ZDHHC22: variants seen among roughly 807,000 people sequenced by gnomAD.
The protein encoded by ZDHHC22 is zDHHC palmitoyltransferase 22.
A neutral mutation model predicts 17.0 loss-of-function variants in ZDHHC22; 13 were observed. That is an observed-to-expected ratio of 0.76 (90% CI 0.50 to 1.21). The LOEUF (loss-of-function observed/expected upper bound fraction) is 1.21, where lower values mean the gene tolerates loss of function less well. Among genes scored for constraint, ZDHHC22 ranks in the 50% most tolerant of loss-of-function variants. The pLI is 0.00. For missense variants in ZDHHC22, 319 were observed against 342.3 expected, an observed-to-expected ratio of 0.93 and a Z score of 0.54; for synonymous variants, 138 against 154.7, an observed-to-expected ratio of 0.89 and a Z score of 0.80.
intron 2 of ZDHHC22, among the ~76,000 whole-genome samples, chr14:77,136,292 C>T (rs989782198): frequency 2.6e-5 from 4 of 152,152 alleles, no homozygotes; most frequent in African/African-American, 9.7e-5. Flanking sequence ...CTTAACCTTG[C>T]TGAGTCTTTG....
At chr14:77,134,052 G>C (rs950264774) in intron 2 of ZDHHC22, 104 bp from the exon 3 acceptor site, 13 of 1,340,666 alleles carry the variant, frequency 9.7e-6, no homozygotes, top group African/African-American at 7.4e-5. Context: ...GGAGATTAAT[G>C]AGATTGACGC....
At position 77,140,596 on chromosome 14, in the gene ZDHHC22, AT is replaced by A. The variant is rs1887234833; in HGVS notation, c.-14-845del. ...CTCTCCAACGCTGGCTGCCCGGGCT[AT>A]TTCTTTGCGAAGAGCGTTTTCATTT... is the stretch of plus-strand genomic sequence containing the variant. On this transcript the variant is annotated intron_variant, in intron 1 of 2. Coordinates refer to ENST00000319374, the MANE Select transcript of ZDHHC22 (RefSeq NM_174976.2). This position sits in a 1 kb window ranked among gnomAD's most constrained non-coding sequence, Gnocchi z 5.9. The A allele has an allele frequency of 2.0e-5, 3 of 151,986 alleles. No individual in the cohort carries two copies. Among genetic ancestry groups the A allele is most frequent in the Non-Finnish European group, 4.4e-5 (3 of 67,994 alleles). 9.4% of individuals were successfully genotyped at this position (151,986 alleles called of 1,614,324 possible). A position where few individuals can be genotyped will look rare whatever the true frequency, so the allele number is the denominator to read the frequency against.
Position 77,139,596 on chromosome 14 carries a change from AGGGCGGGCGAGAAGAGCC to A in ZDHHC22, c.125_142del (p.Arg42_Ala47del). 1 of 1,591,440 alleles carries A rather than the reference AGGGCGGGCGAGAAGAGCC, an allele frequency of 6.3e-7. No homozygotes were observed. The highest frequency in any genetic ancestry group is 8.6e-7 in the Non-Finnish European group (1 of 1,168,642). ...GAATAGGAAGAGCGCCCCGTGGAGC[AGGGCGGGCGAGAAGAGCC>A]GGGCGGCCGCGGGGTCCTCGCGCAT... On this transcript the variant is annotated inframe_deletion, in exon 2 of 3. Coordinates refer to ENST00000319374, the MANE Select transcript of ZDHHC22 (RefSeq NM_174976.2).
upstream of ZDHHC22, chr14:77,142,000 T>G (rs1887265302): frequency 1.3e-5 from 2 of 152,382 alleles, no homozygotes; most frequent in African/African-American, 4.8e-5. Context: ...TGATGTGGAT[T>G]CTCCAGCCAT....
intron 2 of ZDHHC22, among the ~76,000 whole-genome samples, chr14:77,137,184 A>T (rs1159882134): frequency 6.6e-6 from 1 of 152,146 alleles, no homozygotes; most frequent in East Asian, 1.9e-4. Context: ...AAGGTCCTCA[A>T]GAGGAAAGAT....
rs575610899 is a variant in ZDHHC22, at chr14:77,133,460, C to G, written c.*223G>C. ...AGGCAGCCTAACAGCTAGCAGCCAC[C>G]TGGCTGGCTCGTGAGGAGCCTAGAA... On this transcript the variant is annotated 3_prime_UTR_variant, in exon 3 of 3. Coordinates refer to ENST00000319374, the MANE Select transcript of ZDHHC22 (RefSeq NM_174976.2). 1 of 579,660 alleles carries G rather than the reference C, an allele frequency of 1.7e-6. No individual in the cohort carries two copies. The highest frequency in any genetic ancestry group is 3.0e-5 in the South Asian group (1 of 33,440). 35.9% of individuals were successfully genotyped at this position (579,660 alleles called of 1,614,324 possible).
chr14:77,140,729 C>A lies in ZDHHC22; in HGVS notation c.-15+874G>T, dbSNP rs1887238381. On this transcript the variant is annotated intron_variant, in intron 1 of 2. Transcript: ENST00000319374. The surrounding 1 kb of genome is among the most constrained non-coding windows in gnomAD (Gnocchi z 5.9). ...AATCCTTTCCATGCCGACAAGCCCG[C>A]CCTGGGCGCACGAGTGGATGCTTGG... 6.6e-6 allele frequency: 1 copy of A among 152,296 alleles called. No individual in the cohort carries two copies. Among genetic ancestry groups the A allele is most frequent in the Non-Finnish European group, 1.5e-5 (1 of 68,096 alleles). 9.4% of individuals were successfully genotyped at this position (152,296 alleles called of 1,614,324 possible). A position where few individuals can be genotyped will look rare whatever the true frequency, so the allele number is the denominator to read the frequency against.
At position 77,132,352 on chromosome 14, in the gene ZDHHC22, C is replaced by A. The variant is rs191739417; in HGVS notation, c.*1331G>T. The A allele has an allele frequency of 2.2e-4, 33 of 152,464 alleles. No homozygotes were observed. The highest frequency in any genetic ancestry group is 7.7e-4 in the African/African-American group (32 of 41,582). 9.4% of individuals were successfully genotyped at this position (152,464 alleles called of 1,614,324 possible). A position where few individuals can be genotyped will look rare whatever the true frequency, so the allele number is the denominator to read the frequency against. ...CCTCAAATGTCAGTCCCCTCAACCA[C>A]CCAGGTAGCCCTGTCTCTGCAGAGA... is the stretch of plus-strand genomic sequence containing the variant. On this transcript the variant is annotated 3_prime_UTR_variant, in exon 3 of 3. Transcript: ENST00000319374.
At position 77,133,956 on chromosome 14, in the gene ZDHHC22, G is replaced by A; in HGVS notation, c.527-8C>T. ...CAGAACCCAGGACAGCTCCTGCAGG[G>A]CACGGGGAGGGGAAACACCAGAGCC... On this transcript the variant is annotated splice_polypyrimidine_tract_variant and splice_region_variant and intron_variant, in intron 2 of 2. Transcript: ENST00000319374. 6.4e-7 allele frequency: 1 copy of A among 1,554,964 alleles called. No homozygotes were observed.
intron 2 of ZDHHC22, 29 bp from the exon 3 acceptor site, chr14:77,133,977 G>C (rs1326498740): frequency 9.1e-6 from 14 of 1,531,498 alleles, no homozygotes; most frequent in Non-Finnish European, 1.2e-5. Context: ...GGAAACACCA[G>C]AGCCGCTTTA....
chr14:77,133,987 A>G (rs1321074341), intron 2 of ZDHHC22, 39 bp from the exon 3 acceptor site: 2 of 1,518,060 alleles, frequency 1.3e-6, no homozygotes, highest in Admixed American at 2.2e-5. Context: ...GAGCCGCTTT[A>G]CACCCAGGCC....
At position 77,140,152 on chromosome 14, in the gene ZDHHC22, T is replaced by TA. The variant is rs906442846; in HGVS notation, c.-14-401dup. On this transcript the variant is annotated intron_variant, in intron 1 of 2. Transcript: ENST00000319374. This position sits in a 1 kb window ranked among gnomAD's most constrained non-coding sequence, Gnocchi z 5.9. ...TTGGGATTTCTGGTTCAGACCTCCC[T>TA]AGGAGGAGAAAGGGAAGGATTTGGG... 6.6e-6 allele frequency among the ~76,000 whole-genome samples: 1 copy of TA among 152,038 alleles called. No homozygotes were observed. The highest frequency in any genetic ancestry group is 1.5e-5 in the Non-Finnish European group (1 of 67,980).
At chr14:77,135,190 TG>T (rs11350828) in intron 2 of ZDHHC22, among the ~76,000 whole-genome samples, 94,517 of 143,824 alleles carry the variant, frequency 0.66, 33,768 homozygotes, top group Middle Eastern at 0.78. Flanking sequence ...CCTCCTCTGG[TG>T]GGGGGGGGGC....
chr14:77,132,117 T>C lies in ZDHHC22; in HGVS notation c.*1566A>G, dbSNP rs1187584066. On this transcript the variant is annotated 3_prime_UTR_variant, in exon 3 of 3. Coordinates refer to ENST00000319374, the MANE Select transcript of ZDHHC22 (RefSeq NM_174976.2). ...TGGGACCCAGTCAGGAGGGGGCACT[T>C]GTGTTGTCCCTACTCCCTTATATGC... 1 of 152,276 alleles carries C rather than the reference T, an allele frequency of 6.6e-6. No individual in the cohort carries two copies. Among genetic ancestry groups the C allele is most frequent in the Non-Finnish European group, 1.5e-5 (1 of 68,056 alleles). The allele number at this position is 152,276 out of a possible 1,614,324, so 9.4% of individuals were successfully genotyped here.
chr14:77,139,895 G>A (rs2140054963), intron 1 of ZDHHC22, 143 bp from the exon 2 acceptor site: 1 of 886,886 alleles, frequency 1.1e-6, no homozygotes, highest in East Asian at 2.8e-5. Flanking sequence ...CCCCTCCCCA[G>A]TTCCCTAACC....
Position 77,139,505 on chromosome 14 carries a change from G to T in ZDHHC22, c.234C>A (p.Ala78=), listed in dbSNP as rs1220266922. The change falls in exon 2 of 3, where the codon GCC becomes GCA. Residue 78 remains alanine (A), a synonymous_variant. Transcript: ENST00000319374. ...VIQNSPDDLG[A]CQGASARKTP... ...TCTTCCTGGCCGAGGCCCCCTGGCA[G>T]GCCCCCAGGTCGTCTGGGGAGTTCT... 4 of 1,612,250 alleles carry T rather than the reference G, an allele frequency of 2.5e-6. No homozygotes were observed. The highest frequency in any genetic ancestry group is 3.4e-6 in the Non-Finnish European group (4 of 1,179,298).
rs1490469594 is a variant in ZDHHC22 at position 77,133,760 on chromosome 14, C to T, written c.715G>A (p.Gly239Arg). Residue 239 changes from glycine to arginine, a missense_variant, in exon 3 of 3, where the codon GGA becomes AGA. Transcript: ENST00000319374. ...PWRKNLQEVF[G>R]KRWLLGLLVP... ...AGCAGGCCCAGCAGCCACCTCTTTCCGAAGACCTCTTGTAAGTTCTTGCGC... is the reference window on the plus strand; with the variant it reads ...AGCAGGCCCAGCAGCCACCTCTTTCTGAAGACCTCTTGTAAGTTCTTGCGC... 3.1e-6 allele frequency: 5 copies of T among 1,614,028 alleles called. No individual in the cohort carries two copies. Among genetic ancestry groups the T allele is most frequent in the Non-Finnish European group, 3.4e-6 (4 of 1,179,902 alleles).
chr14:77,137,245 C>T lies in ZDHHC22; in HGVS notation c.526+1968G>A, dbSNP rs1887153982. 2.6e-5 allele frequency among the ~76,000 whole-genome samples: 4 copies of T among 152,142 alleles called. No homozygotes were observed. The South Asian group carries it at 6.2e-4, about 24-fold the overall frequency. ...AGAGTTGGAGGTAAGAAGTCTTGCTCGCCTGTTTCCAGTGGATATGGTGAG... is the reference window on the plus strand; with the variant it reads ...AGAGTTGGAGGTAAGAAGTCTTGCTTGCCTGTTTCCAGTGGATATGGTGAG... On this transcript the variant is annotated intron_variant, in intron 2 of 2. Coordinates refer to ENST00000319374, the MANE Select transcript of ZDHHC22 (RefSeq NM_174976.2).
In ZDHHC22 at chr14:77,132,995, T is replaced by C. The variant is rs1358055975; in HGVS notation, c.*688A>G. On this transcript the variant is annotated 3_prime_UTR_variant, in exon 3 of 3. Coordinates refer to ENST00000319374, the MANE Select transcript of ZDHHC22 (RefSeq NM_174976.2). The stretch of plus-strand genomic sequence containing the variant: ...GGAAGAGTTCCAGGGACAGGAAGCA[T>C]CCAGCCAGGTCCTGGACTGGGCTGG... The C allele has an allele frequency of 2.0e-5, 3 of 152,098 alleles. No homozygotes were observed. The highest frequency in any genetic ancestry group is 4.4e-5 in the Non-Finnish European group (3 of 68,072). The allele number at this position is 152,098 out of a possible 1,614,324, so 9.4% of individuals were successfully genotyped here.
Sources: gnomAD v4.1 joint callset for allele counts (sites outside exome capture counted in the v4.1 genomes callset) on GRCh38, gnomAD v4.1.1 for gene constraint, Gnocchi (gnomAD v3.1) non-coding constraint, MANE v1.5 for transcripts, NCBI Gene and HGNC (gene_info 2026-07-23, HGNC 2026-07-21) for gene names.